Variants in SLC11A2 observed in about 807,000 individuals in gnomAD.
SLC11A2 encodes the protein solute carrier family 11 member 2.
In SLC11A2, 38 loss-of-function variants were observed where a neutral mutation model predicts 68.0. That is an observed-to-expected ratio of 0.56 (90% CI 0.43 to 0.73). The LOEUF (loss-of-function observed/expected upper bound fraction) is 0.73. SLC11A2 is among the 30% of genes least tolerant of loss of function. The probability of loss-of-function intolerance (pLI) is 0.00; values close to 1 mark genes in which losing one functional copy is unlikely to be tolerated. For synonymous variants in SLC11A2, 242 were observed against 250.6 expected (o/e 0.97, Z 0.32); for missense variants, 517 against 690.5 (o/e 0.75, Z 2.82).
intron 8 of SLC11A2, among the ~76,000 whole-genome samples, chr12:50,998,776 A>C (rs1358224460): frequency 6.6e-6 from 1 of 152,214 alleles, no homozygotes; most frequent in African/African-American, 2.4e-5. Context: ...TAATATTGGG[A>C]AAGTTCAAGC....
Position 50,986,562 on chromosome 12 carries a change from T to C in SLC11A2, c.*1763A>G, listed in dbSNP as rs1397552284. The C allele has an allele frequency of 3.1e-6, 4 of 1,287,062 alleles. No homozygotes were observed. The Admixed American group carries it at 6.9e-5, about 22-fold the overall frequency. 79.7% of individuals were successfully genotyped at this position (1,287,062 alleles called of 1,614,324 possible). Reference sequence around the variant, plus strand: ...CAAAGATACATGTTACCATATCATCTTTATAAAGAATTTTTTTTTTGTCGT... The same window carrying C: ...CAAAGATACATGTTACCATATCATCCTTATAAAGAATTTTTTTTTTGTCGT... On this transcript the variant is annotated 3_prime_UTR_variant, in exon 16 of 16. Coordinates refer to ENST00000262052, the MANE Select transcript of SLC11A2 (RefSeq NM_000617.3).
chr12:50,981,057 G>A (rs927585948), downstream of SLC11A2: 1 of 152,100 alleles, frequency 6.6e-6, no homozygotes, highest in South Asian at 2.1e-4. Context: ...GAAAAGTGAC[G>A]ACAAAGACAA....
downstream of SLC11A2, among the ~76,000 whole-genome samples, chr12:50,985,631 T>C (rs1276148622): frequency 6.6e-6 from 1 of 152,194 alleles, no homozygotes; most frequent in South Asian, 2.1e-4. Flanking sequence ...GCAGCACATA[T>C]AGAATGTAAA....
intron 1 of SLC11A2, among the ~76,000 whole-genome samples, chr12:51,023,434 G>C (rs1006171909): frequency 1.3e-5 from 2 of 152,052 alleles, no homozygotes; most frequent in African/African-American, 4.8e-5. Context: ...GCAAGAGAGC[G>C]AGACCCTGTC....
At chr12:50,957,937 G>GGTGTGTGTGTGT in the SLC11A2 span, among the ~76,000 whole-genome samples, 2,769 of 132,384 alleles carry the variant, frequency 0.021, 63 homozygotes, top group South Asian at 0.029. Flanking sequence ...ATGAATTGGA[G>GGTGTGTGTGTGT]GTGTGTGTGT....
At chr12:50,957,851 C>T in the SLC11A2 span, among the ~76,000 whole-genome samples, 1 of 151,924 alleles carries the variant, frequency 6.6e-6, no homozygotes, top group South Asian at 2.1e-4. Flanking sequence ...TGCCACTGCA[C>T]TCCAGCCTTG....
At position 51,008,196 on chromosome 12, in the gene SLC11A2, C is replaced by CCCT. The variant is rs1942888393; in HGVS notation, c.183+277_183+279dup. ...CTGGAGCCTAGATGACAGAGCAAGA[C>CCCT]CCTGTCTGTAAAAAAGATTAGATAG... On this transcript the variant is annotated intron_variant, in intron 3 of 15. Coordinates refer to ENST00000262052, the MANE Select transcript of SLC11A2 (RefSeq NM_000617.3). The CCCT allele has an allele frequency of 3.1e-5, 11 of 353,474 alleles. No individual in the cohort carries two copies. In the South Asian group the frequency reaches 3.1e-4, roughly 10 times the overall value. 21.9% of individuals were successfully genotyped at this position (353,474 alleles called of 1,614,324 possible).
rs1942631550 is a variant in SLC11A2, at chr12:51,005,351, A to G, written c.269T>C (p.Ile90Thr). 3.1e-6 allele frequency: 5 copies of G among 1,613,894 alleles called. No individual in the cohort carries two copies. Among genetic ancestry groups the G allele is most frequent in the African/African-American group, 1.3e-5 (1 of 74,918 alleles). ...MSIAYLDPGN[I>T]ESDLQSGAVA... ...TGCTCCAGACTGCAAATCGGATTCAATATTTCCTGGATCCAGGTAGGCAAT... is the reference window on the plus strand; with the variant it reads ...TGCTCCAGACTGCAAATCGGATTCAGTATTTCCTGGATCCAGGTAGGCAAT... The change falls in exon 4 of 16, where the codon ATT (isoleucine) becomes ACT (threonine). Residue 90 changes from isoleucine (I) to threonine (T), a missense_variant. Coordinates refer to ENST00000262052, the MANE Select transcript of SLC11A2 (RefSeq NM_000617.3).
chr12:51,000,215 T>G, intron 6 of SLC11A2, 98 bp downstream of exon 6: 1 of 849,662 alleles, frequency 1.2e-6, no homozygotes, highest in Non-Finnish European at 2.0e-6. Context: ...AACAATTGAG[T>G]TGAGTCTTCA....
chr12:50,958,050 C>T, the SLC11A2 span, among the ~76,000 whole-genome samples: 9 of 146,228 alleles, frequency 6.2e-5, no homozygotes, highest in Admixed American at 6.2e-4. Flanking sequence ...AAGTGATATG[C>T]CTGCCTTGGC....
intron 15 of SLC11A2, among the ~76,000 whole-genome samples, chr12:50,989,184 C>T (rs1475494695): frequency 1.3e-5 from 2 of 152,120 alleles, no homozygotes; most frequent in Non-Finnish European, 2.9e-5. Context: ...AGAATCAGCC[C>T]TCTCCTCTCA....
At chr12:50,974,765 C>T (rs960045609), downstream of SLC11A2, among the ~76,000 whole-genome samples, 1 of 152,116 alleles carries the variant, frequency 6.6e-6, no homozygotes, top group Non-Finnish European at 1.5e-5. Context: ...CAGAGACACA[C>T]ATAGGCTCAA....
intron 5 of SLC11A2, among the ~76,000 whole-genome samples, chr12:51,002,329 T>C (rs1055537376): frequency 2.0e-5 from 3 of 151,912 alleles, no homozygotes; most frequent in South Asian, 2.1e-4. Flanking sequence ...GTCTGGGTAA[T>C]AGAGCAAGAT....
intron 8 of SLC11A2, 89 bp from the exon 9 acceptor site, chr12:50,997,061 C>T (rs1941768413): frequency 2.1e-6 from 2 of 968,046 alleles, no homozygotes; most frequent in Non-Finnish European, 3.3e-6. Context: ...TCCTTTATCC[C>T]TTACAATGCC....
At chr12:50,969,298 A>C in the SLC11A2 span, among the ~76,000 whole-genome samples, 2 of 148,362 alleles carry the variant, frequency 1.3e-5, no homozygotes, top group Non-Finnish European at 3.0e-5. Context: ...CATCTCAAAA[A>C]AATAAAATAA....
intron 1 of SLC11A2, among the ~76,000 whole-genome samples, chr12:51,021,781 T>C (rs1329605489): frequency 1.3e-5 from 2 of 151,510 alleles, no homozygotes; most frequent in East Asian, 1.9e-4. Flanking sequence ...GTGGAGAAAA[T>C]GTTAGGAAGC....
Position 50,996,930 on chromosome 12 carries a change from T to A in SLC11A2, c.718A>T (p.Met240Leu), listed in dbSNP as rs370116016. ...CAGCCTGAACAGGATGGTACGAACA[T>A]GCCCTTGAGTACCTGGCTCTGGCTG... ...KPSQSQVLKGMFVPSCSGCRT... is the reference protein window; with the variant it reads ...KPSQSQVLKGLFVPSCSGCRT... The change falls in exon 9 of 16, where the codon ATG becomes TTG. Residue 240 changes from methionine (M) to leucine (L), a missense_variant. Coordinates refer to ENST00000262052, the MANE Select transcript of SLC11A2 (RefSeq NM_000617.3). 4.3e-6 allele frequency: 7 copies of A among 1,613,964 alleles called. No homozygotes were observed. The Admixed American group carries it at 6.7e-5, about 15-fold the overall frequency.
At chr12:50,960,194 A>G in the SLC11A2 span, among the ~76,000 whole-genome samples, 4 of 152,176 alleles carry the variant, frequency 2.6e-5, no homozygotes, top group Admixed American at 6.5e-5. Flanking sequence ...TCTTGTGCAT[A>G]TATTCATACC....
Position 50,988,295 on chromosome 12 carries a change from G to A in SLC11A2, c.*30C>T. The A allele has an allele frequency of 6.2e-7, 1 of 1,613,646 alleles. No homozygotes were observed. The highest frequency in any genetic ancestry group is 8.5e-7 in the Non-Finnish European group (1 of 1,179,710). On this transcript the variant is annotated 3_prime_UTR_variant, in exon 16 of 16. Coordinates refer to ENST00000262052, the MANE Select transcript of SLC11A2 (RefSeq NM_000617.3). ...CCATAGAAACACACTGGCTCTGATG[G>A]CTACCTGCAGAAGACAGACTAATCC...
Sources: allele counts gnomAD v4.1 joint callset (sites outside exome capture counted in the v4.1 genomes callset), GRCh38; gene constraint gnomAD v4.1.1; transcripts MANE v1.5; gene names NCBI Gene and HGNC (gene_info 2026-07-23, HGNC 2026-07-21).